PKP4: variants seen among roughly 807,000 people sequenced by gnomAD.
PKP4 encodes the protein plakophilin 4.
A neutral mutation model predicts 145.1 loss-of-function variants in PKP4; 90 were observed. The observed-to-expected ratio is 0.62, with a 90% CI of 0.52 to 0.74. The LOEUF (loss-of-function observed/expected upper bound fraction) is 0.74. Among genes scored for constraint, PKP4 ranks in the 30% least tolerant of loss-of-function variants. The probability of loss-of-function intolerance (pLI) is 0.00; values close to 1 mark genes in which losing one functional copy is unlikely to be tolerated. For missense variants in PKP4, 1,340 were observed against 1,482.7 expected (o/e 0.90, Z 1.58); for synonymous variants, 563 against 577.2 (o/e 0.98, Z 0.35).
At chr2:158,626,305 C>T (rs371335817) in intron 7 of PKP4, among the ~76,000 whole-genome samples, 1 of 152,172 alleles carries the variant, frequency 6.6e-6, no homozygotes, top group South Asian at 2.1e-4. Flanking sequence ...TCATATAGAT[C>T]TTCTATACTT....
At chr2:158,665,679 C>G (rs2057015311) in intron 15 of PKP4, among the ~76,000 whole-genome samples, 1 of 152,172 alleles carries the variant, frequency 6.6e-6, no homozygotes, top group African/African-American at 2.4e-5. Flanking sequence ...TTGGTTGTTT[C>G]ACTGATGACT....
At chr2:158,619,930 GACACACACACAC>G (rs772164888) in intron 4 of PKP4, among the ~76,000 whole-genome samples, 1 of 150,580 alleles carries the variant, frequency 6.6e-6, no homozygotes, top group African/African-American at 2.4e-5. Flanking sequence ...CATTCCCCCA[GACACACACACAC>G]ACGCACACAC....
intron 5 of PKP4, 43 bp from the exon 6 acceptor site, chr2:158,621,188 G>A: frequency 1.9e-6 from 3 of 1,613,082 alleles, no homozygotes; most frequent in Non-Finnish European, 2.5e-6. Flanking sequence ...GCGAGTGTCA[G>A]AAGTGTGTAT....
chr2:158,522,690 G>C (rs561283545), intron 1 of PKP4, among the ~76,000 whole-genome samples: 7 of 152,340 alleles, frequency 4.6e-5, no homozygotes, highest in South Asian at 2.1e-4. Flanking sequence ...CGCAGAAGAC[G>C]GGTGATTTCT....
intron 4 of PKP4, among the ~76,000 whole-genome samples, chr2:158,617,042 A>C (rs3771649): frequency 0.19 from 29,514 of 152,146 alleles, 3,690 homozygotes; most frequent in Middle Eastern, 0.35. Flanking sequence ...ATAGCCCTAC[A>C]GCGTTATTGT....
chr2:158,533,468 C>T (rs752329361), intron 2 of PKP4, 152 bp downstream of exon 2: 71 of 931,356 alleles, frequency 7.6e-5, no homozygotes, highest in Middle Eastern at 4.5e-4. Context: ...ATTGGGATGA[C>T]TGGCATGTAG....
chr2:158,463,570 CTA>C (rs1360700964), intron 1 of PKP4, among the ~76,000 whole-genome samples: 1 of 152,176 alleles, frequency 6.6e-6, no homozygotes, highest in Non-Finnish European at 1.5e-5. Context: ...GGCTTTGCCA[CTA>C]TGCAGGTGTG....
chr2:158,603,829 A>C (rs940175783), intron 4 of PKP4, among the ~76,000 whole-genome samples: 1 of 152,218 alleles, frequency 6.6e-6, no homozygotes, highest in African/African-American at 2.4e-5. Context: ...TGGAATAGGC[A>C]TTGATGTGTA....
In PKP4 at chr2:158,624,893, C is replaced by T. The variant is rs191132560; in HGVS notation, c.619C>T (p.Arg207Trp). Residue 207 changes from arginine (R) to tryptophan (W), a missense_variant, in exon 7 of 22, where the codon CGG (arginine) becomes TGG (tryptophan). Transcript: ENST00000389759. ...CTTTCATCAGCCATCAGTAGCCAAT[C>T]GGGCCATGAGAAGAGTTAGTTCAGT... ...QTLVQPSVAN[R>W]AMRRVSSVPS... is the part of the protein sequence containing the mutation. The T allele has an allele frequency of 1.2e-5, 19 of 1,587,160 alleles. No individual in the cohort carries two copies. In the Admixed American group the frequency reaches 2.9e-4, roughly 25 times the overall value.
intron 16 of PKP4, among the ~76,000 whole-genome samples, chr2:158,668,943 A>C (rs2057343729): frequency 6.6e-6 from 1 of 152,234 alleles, no homozygotes; most frequent in South Asian, 2.1e-4. Flanking sequence ...ACAGTTTGTC[A>C]GTTGGTAATC....
intron 1 of PKP4, among the ~76,000 whole-genome samples, chr2:158,521,576 A>G (rs1194090770): frequency 6.6e-6 from 1 of 152,208 alleles, no homozygotes; most frequent in East Asian, 1.9e-4. Flanking sequence ...TTAGTATGCA[A>G]CTACCTCTAA....
chr2:158,511,096 C>CA (rs1187231212), intron 1 of PKP4, among the ~76,000 whole-genome samples: 1 of 152,152 alleles, frequency 6.6e-6, no homozygotes, highest in Admixed American at 6.5e-5. Context: ...TGCCGAAACT[C>CA]ACGTCAGGGG....
chr2:158,544,744 A>C (rs2044830095), intron 2 of PKP4, among the ~76,000 whole-genome samples: 1 of 152,168 alleles, frequency 6.6e-6, no homozygotes, highest in Non-Finnish European at 1.5e-5. Flanking sequence ...CACTACTCCA[A>C]CTTATCTGTT....
chr2:158,554,973 GT>G lies in PKP4; in HGVS notation c.132+21660del, dbSNP rs549438191. The stretch of plus-strand genomic sequence containing the variant: ...TGTTATGATTATTTGCTATTTACTT[GT>G]TTAAATAATCCTGAATATTCTAATA... On this transcript the variant is annotated intron_variant, in intron 2 of 21. Coordinates refer to ENST00000389759, the MANE Select transcript of PKP4 (RefSeq NM_003628.6). Among the ~76,000 whole-genome samples the G allele has an allele frequency of 2.8e-3, 371 of 131,764 alleles. 2 individuals are homozygous for G. The highest frequency in any genetic ancestry group is 9.0e-3 in the African/African-American group (353 of 39,048). 86.4% of individuals were successfully genotyped at this position (131,764 alleles called of 152,430 possible).
chr2:158,523,948 A>T (rs1296939252), intron 1 of PKP4, among the ~76,000 whole-genome samples: 1 of 102,702 alleles, frequency 9.7e-6, no homozygotes, highest in African/African-American at 4.2e-5. Context: ...AATAAAAAGA[A>T]ATGAGCAAAG....
intron 2 of PKP4, among the ~76,000 whole-genome samples, chr2:158,566,479 A>AATATATATAT (rs561964313): frequency 3.3e-5 from 5 of 151,154 alleles, no homozygotes; most frequent in East Asian, 2.0e-4. Context: ...ATAATTTTGA[A>AATATATATAT]ATATATATAT....
At chr2:158,656,674 A>G (rs1285559833) in intron 11 of PKP4, among the ~76,000 whole-genome samples, 4 of 152,222 alleles carry the variant, frequency 2.6e-5, no homozygotes, top group African/African-American at 9.6e-5. Context: ...AGAGGAGGCC[A>G]GAGCACAAGC....
At chr2:158,519,425 C>A (rs2042177087) in intron 1 of PKP4, among the ~76,000 whole-genome samples, 1 of 152,198 alleles carries the variant, frequency 6.6e-6, no homozygotes, top group Non-Finnish European at 1.5e-5. Context: ...GTCTGAATCT[C>A]TTCTCTGCCA....
At chr2:158,513,524 G>T (rs186726391) in intron 1 of PKP4, among the ~76,000 whole-genome samples, 80 of 152,308 alleles carry the variant, frequency 5.3e-4, no homozygotes, top group African/African-American at 1.9e-3. Flanking sequence ...TTTTGCAGAT[G>T]TTGGAGATTT....
Sources: gnomAD v4.1 joint callset for allele counts (sites outside exome capture counted in the v4.1 genomes callset) on GRCh38, gnomAD v4.1.1 for gene constraint, MANE v1.5 for transcripts, NCBI Gene and HGNC (gene_info 2026-07-23, HGNC 2026-07-21) for gene names.